Variants in PTPRD observed in about 807,000 individuals in gnomAD.
The protein encoded by PTPRD is protein tyrosine phosphatase receptor type D, also known as receptor-type tyrosine-protein phosphatase delta.
A neutral mutation model predicts 214.5 loss-of-function variants in PTPRD; 34 were observed. The observed-to-expected ratio is 0.16, with a 90% CI of 0.12 to 0.21. PTPRD has a LOEUF of 0.21. Among genes scored for constraint, PTPRD ranks in the 10% least tolerant of loss-of-function variants. PTPRD has a pLI of 1.00. For missense variants in PTPRD, 2,545 were observed against 2,398.7 expected (o/e 1.06, Z -1.27); for synonymous variants, 1,128 against 845.7 (o/e 1.33, Z -5.79).
At chr9:8,726,657 C>A (rs2098577317) in intron 12 of PTPRD, among the ~76,000 whole-genome samples, 15 of 106,344 alleles carry the variant, frequency 1.4e-4, no homozygotes, top group South Asian at 7.1e-4. Context: ...ATATGACAGC[C>A]AGGTGTGGTG....
intron 11 of PTPRD, among the ~76,000 whole-genome samples, chr9:8,773,383 G>C (rs2117327): frequency 0.72 from 109,253 of 151,914 alleles, 39,324 homozygotes; most frequent in Middle Eastern, 0.82. Flanking sequence ...GATCTCTTCT[G>C]TTTAAACCCT....
At chr9:10,573,239 A>G (rs1313842980) in intron 2 of PTPRD, among the ~76,000 whole-genome samples, 1 of 152,170 alleles carries the variant, frequency 6.6e-6, no homozygotes, top group Non-Finnish European at 1.5e-5. Flanking sequence ...GTACATTTTG[A>G]TGTTTTTTTA....
At chr9:10,131,061 CA>C (rs1432720903) in intron 3 of PTPRD, among the ~76,000 whole-genome samples, 2 of 152,032 alleles carry the variant, frequency 1.3e-5, no homozygotes, top group Non-Finnish European at 2.9e-5. Context: ...AAAACAAGAA[CA>C]AAAAGAATTG....
At chr9:10,252,823 G>T (rs183904201) in intron 3 of PTPRD, among the ~76,000 whole-genome samples, 1 of 151,962 alleles carries the variant, frequency 6.6e-6, no homozygotes, top group Non-Finnish European at 1.5e-5. Flanking sequence ...TCACTCTGTC[G>T]CCCAGGCTGG....
intron 9 of PTPRD, among the ~76,000 whole-genome samples, chr9:9,319,013 G>C: frequency 6.6e-6 from 1 of 152,182 alleles, no homozygotes; most frequent in East Asian, 1.9e-4. Flanking sequence ...CACAAGTTAA[G>C]TAAGCTTTCC....
At chr9:8,515,506 A>G (rs753084725) in intron 21 of PTPRD, among the ~76,000 whole-genome samples, 1 of 152,178 alleles carries the variant, frequency 6.6e-6, no homozygotes, top group Non-Finnish European at 1.5e-5. Context: ...TTATTTCAAT[A>G]TAGGATCTTT....
chr9:9,132,762 T>C (rs1037473221), intron 10 of PTPRD, among the ~76,000 whole-genome samples: 2 of 152,176 alleles, frequency 1.3e-5, no homozygotes, highest in Admixed American at 6.5e-5. Context: ...CTTCTTCCCA[T>C]GCTATAGGGA....
chr9:8,335,336 A>G (rs1587949458), intron 43 of PTPRD, among the ~76,000 whole-genome samples: 1 of 152,104 alleles, frequency 6.6e-6, no homozygotes, highest in South Asian at 2.1e-4. Flanking sequence ...GGCTTGTTCA[A>G]CATACACAAA....
chr9:9,148,502 T>C (rs1417776372), intron 10 of PTPRD, among the ~76,000 whole-genome samples: 1 of 152,180 alleles, frequency 6.6e-6, no homozygotes, highest in East Asian at 1.9e-4. Flanking sequence ...ATTTGATACA[T>C]ACGTGTCATG....
In PTPRD at chr9:8,319,938, T is replaced by G; in HGVS notation, c.5563A>C (p.Ile1855Leu). The G allele has an allele frequency of 2.5e-6, 4 of 1,612,902 alleles. No homozygotes were observed. Among genetic ancestry groups the G allele is most frequent in the Non-Finnish European group, 3.4e-6 (4 of 1,179,406 alleles). The change falls in exon 45 of 46, where the codon ATA becomes CTA. Residue 1855 changes from isoleucine to leucine, a missense_variant. By Grantham distance (5) the Ile-to-Leu change is conservative (BLOSUM62 2). Transcript: ENST00000381196. ...CTTTCCAAAACAATGCTTAGCGTTA[T>G]GAAGACTCCAGTTCTTCCAACGCCC... Reference protein sequence around the residue: ...SAGVGRTGVFITLSIVLERMR... With the variant: ...SAGVGRTGVFLTLSIVLERMR...
At chr9:9,670,607 G>A (rs1005946626) in intron 7 of PTPRD, among the ~76,000 whole-genome samples, 1 of 152,192 alleles carries the variant, frequency 6.6e-6, no homozygotes, top group Non-Finnish European at 1.5e-5. Context: ...CTGTGGGCCT[G>A]GCCCAGTGTC....
At chr9:8,457,974 T>C (rs2096264969) in intron 33 of PTPRD, among the ~76,000 whole-genome samples, 1 of 152,098 alleles carries the variant, frequency 6.6e-6, no homozygotes, top group African/African-American at 2.4e-5. Flanking sequence ...CTCATGATAA[T>C]CAAGAAGGAC....
chr9:8,745,615 T>C (rs994379061), intron 11 of PTPRD, among the ~76,000 whole-genome samples: 15 of 152,176 alleles, frequency 9.9e-5, no homozygotes, highest in African/African-American at 2.9e-4. Context: ...TACCTGTGTA[T>C]CTTAGAGTAA....
At chr9:9,208,623 T>C (rs1174084090) in intron 9 of PTPRD, among the ~76,000 whole-genome samples, 1 of 152,090 alleles carries the variant, frequency 6.6e-6, no homozygotes, top group East Asian at 1.9e-4. Context: ...CAAGTGTTTT[T>C]CCTATCTGTC....
At chr9:10,579,094 C>T (rs1390897033) in intron 2 of PTPRD, among the ~76,000 whole-genome samples, 1 of 151,966 alleles carries the variant, frequency 6.6e-6, no homozygotes, top group Non-Finnish European at 1.5e-5. Context: ...CCTTGACAGG[C>T]CCTGATGTGT....
At chr9:8,992,144 A>C (rs981772302) in intron 11 of PTPRD, among the ~76,000 whole-genome samples, 5 of 152,118 alleles carry the variant, frequency 3.3e-5, no homozygotes, top group Non-Finnish European at 7.4e-5. Context: ...TGACAGACAA[A>C]TTTGCTGGTG....
At chr9:10,371,202 A>G (rs1266461495) in intron 2 of PTPRD, among the ~76,000 whole-genome samples, 1 of 151,852 alleles carries the variant, frequency 6.6e-6, no homozygotes, top group Non-Finnish European at 1.5e-5. Flanking sequence ...TCCACTGAAG[A>G]CAATATGAAT....
intron 9 of PTPRD, among the ~76,000 whole-genome samples, chr9:9,299,486 T>G (rs1428607903): frequency 2.0e-5 from 3 of 151,740 alleles, no homozygotes; most frequent in Non-Finnish European, 4.4e-5. Flanking sequence ...AAACTCTGAT[T>G]TCTAGTATGA....
chr9:10,414,752 G>A (rs1447534913), intron 2 of PTPRD, among the ~76,000 whole-genome samples: 1 of 151,914 alleles, frequency 6.6e-6, no homozygotes, highest in African/African-American at 2.4e-5. Context: ...GGAATACTAT[G>A]CAGCCATAAA....
Sources: allele counts gnomAD v4.1 joint callset (sites outside exome capture counted in the v4.1 genomes callset), GRCh38; gene constraint gnomAD v4.1.1; transcripts MANE v1.5; gene names NCBI Gene and HGNC (gene_info 2026-07-23, HGNC 2026-07-21).